The following LOC128462377 variants were observed in gnomAD, a reference collection of about 807,000 sequenced individuals.
At chr16:89,384,874 G>GTTTTTT in the LOC128462377 span, among the ~76,000 whole-genome samples, 53 of 72,746 alleles carry the variant, frequency 7.3e-4, 3 homozygotes, top group African/African-American at 2.6e-3. Flanking sequence ...ATGAGAAATA[G>GTTTTTT]TTTTCTTTTT....
chr16:89,333,937 C>G, the LOC128462377 span, among the ~76,000 whole-genome samples: 1 of 151,948 alleles, frequency 6.6e-6, no homozygotes, highest in African/African-American at 2.4e-5. Flanking sequence ...TGGAAGCAGT[C>G]AGGACAATTC....
chr16:89,371,109 C>T, the LOC128462377 span, among the ~76,000 whole-genome samples: 6 of 152,158 alleles, frequency 3.9e-5, no homozygotes, highest in East Asian at 1.9e-4. Flanking sequence ...CTGAAAACCG[C>T]CGAGGGGGAA....
chr16:89,409,478 A>T, the LOC128462377 span, among the ~76,000 whole-genome samples: 1 of 152,190 alleles, frequency 6.6e-6, no homozygotes, highest in South Asian at 2.1e-4. Context: ...GCATAAAAAC[A>T]TACAGGTGTG....
the LOC128462377 span, among the ~76,000 whole-genome samples, chr16:89,399,373 T>C: frequency 6.6e-5 from 10 of 152,040 alleles, no homozygotes; most frequent in Admixed American, 5.2e-4. Context: ...AAAAGGACCA[T>C]AGACGCATGC....
chr16:89,369,942 G>A, the LOC128462377 span, among the ~76,000 whole-genome samples: 1 of 152,132 alleles, frequency 6.6e-6, no homozygotes, highest in Non-Finnish European at 1.5e-5. Flanking sequence ...AAACACGGGG[G>A]GCCCAGCCCA....
At chr16:89,364,033 C>G in the LOC128462377 span, among the ~76,000 whole-genome samples, 2 of 152,042 alleles carry the variant, frequency 1.3e-5, no homozygotes, top group Admixed American at 6.6e-5. Flanking sequence ...CCACTGCATT[C>G]CTGCCCAGCC....
chr16:89,399,630 C>A, the LOC128462377 span, among the ~76,000 whole-genome samples: 1 of 152,116 alleles, frequency 6.6e-6, no homozygotes, highest in Non-Finnish European at 1.5e-5. Context: ...TGCACAGCAC[C>A]CGGTGGACCC....
chr16:89,349,675 C>A, the LOC128462377 span, among the ~76,000 whole-genome samples: 3 of 152,068 alleles, frequency 2.0e-5, no homozygotes, highest in African/African-American at 4.8e-5. Context: ...GTAAATATGA[C>A]TGAAAACTAT....
the LOC128462377 span, among the ~76,000 whole-genome samples, chr16:89,389,147 T>C: frequency 4.0e-5 from 6 of 151,658 alleles, no homozygotes; most frequent in African/African-American, 1.5e-4. Flanking sequence ...GCCTTCTGAG[T>C]GGCTGGGATG....
the LOC128462377 span, among the ~76,000 whole-genome samples, chr16:89,398,228 A>G: frequency 2.0e-5 from 3 of 151,394 alleles, no homozygotes; most frequent in African/African-American, 7.3e-5. Context: ...TGACCTCAGC[A>G]CTCTGGGAGG....
At chr16:89,324,607 C>A in the LOC128462377 span, 52 of 435,320 alleles carry the variant, frequency 1.2e-4, no homozygotes, top group African/African-American at 1.0e-3. Flanking sequence ...GCCAGCACGG[C>A]AGATCTGCGG....
the LOC128462377 span, among the ~76,000 whole-genome samples, chr16:89,381,055 G>T: frequency 6.6e-6 from 1 of 152,152 alleles, no homozygotes; most frequent in South Asian, 2.1e-4. Context: ...GGGCGAGGTG[G>T]CTCAGGCCTG....
At chr16:89,383,824 A>G in the LOC128462377 span, among the ~76,000 whole-genome samples, 1 of 152,222 alleles carries the variant, frequency 6.6e-6, no homozygotes, top group Non-Finnish European at 1.5e-5. Flanking sequence ...GCAAAGGTGC[A>G]GACTCCTCCC....
the LOC128462377 span, among the ~76,000 whole-genome samples, chr16:89,326,844 C>G: frequency 1.3e-5 from 2 of 152,224 alleles, no homozygotes; most frequent in Non-Finnish European, 2.9e-5. Context: ...GGGCTTAACA[C>G]AAAGCCTGCC....
the LOC128462377 span, among the ~76,000 whole-genome samples, chr16:89,360,167 C>T: frequency 6.6e-6 from 1 of 152,290 alleles, no homozygotes; most frequent in East Asian, 1.9e-4. Context: ...ATTTGGTTTT[C>T]TGTTCCTGAG....
At chr16:89,334,264 C>T in the LOC128462377 span, among the ~76,000 whole-genome samples, 2 of 151,962 alleles carry the variant, frequency 1.3e-5, no homozygotes, top group South Asian at 2.1e-4. Flanking sequence ...CATCAATGGC[C>T]TTCACAATCC....
the LOC128462377 span, among the ~76,000 whole-genome samples, chr16:89,365,511 C>T: frequency 2.6e-5 from 4 of 152,258 alleles, no homozygotes; most frequent in Non-Finnish European, 5.9e-5. Flanking sequence ...CTGAGACACT[C>T]TGCCCAAGAA....
At chr16:89,368,372 T>G in the LOC128462377 span, among the ~76,000 whole-genome samples, 15 of 3,482 alleles carry the variant, frequency 4.3e-3, no homozygotes, top group South Asian at 0.056. Flanking sequence ...AATTTTTGTG[T>G]TTTTTTTTTT....
the LOC128462377 span, among the ~76,000 whole-genome samples, chr16:89,376,561 C>T: frequency 6.6e-6 from 1 of 152,150 alleles, no homozygotes; most frequent in African/African-American, 2.4e-5. Flanking sequence ...CCTCAGCCTC[C>T]CAAGTAGCTG....
Sources: gnomAD v4.1 joint callset for allele counts (sites outside exome capture counted in the v4.1 genomes callset) on GRCh38, gnomAD v4.1.1 for gene constraint, MANE v1.5 for transcripts.